The following RGS7 variants were observed in gnomAD, a reference collection of about 807,000 sequenced individuals.
RGS7 encodes the protein regulator of G-protein signaling 7.
A neutral mutation model predicts 81.1 loss-of-function variants in RGS7; 27 were observed. That is an observed-to-expected ratio of 0.33 (90% CI 0.25 to 0.46). RGS7 has a LOEUF of 0.46. Among genes scored for constraint, RGS7 ranks in the 20% least tolerant of loss-of-function variants. RGS7 has a pLI of 1.00. For missense variants in RGS7, 396 were observed against 607.4 expected (o/e 0.65, Z 3.66); for synonymous variants, 208 against 207.7 (o/e 1.00, Z -0.01).
At chr1:241,066,267 G>A (rs1245587993) in intron 3 of RGS7, among the ~76,000 whole-genome samples, 1 of 152,130 alleles carries the variant, frequency 6.6e-6, no homozygotes, top group East Asian at 1.9e-4. Flanking sequence ...AGAAATGTGT[G>A]CTCACTGATA....
chr1:240,786,315 G>A (rs1014526554), intron 18 of RGS7, among the ~76,000 whole-genome samples: 3 of 151,986 alleles, frequency 2.0e-5, no homozygotes, highest in Non-Finnish European at 4.4e-5. Context: ...TACTGTGCAT[G>A]GTACTATGTC....
chr1:240,805,259 C>T (rs1318577949), intron 15 of RGS7, among the ~76,000 whole-genome samples: 1 of 152,060 alleles, frequency 6.6e-6, no homozygotes, highest in Admixed American at 6.6e-5. Flanking sequence ...TGGTGCATGC[C>T]TATGGTCCCA....
intron 3 of RGS7, among the ~76,000 whole-genome samples, chr1:241,028,937 T>C (rs893401224): frequency 6.6e-6 from 1 of 152,034 alleles, no homozygotes; most frequent in African/African-American, 2.4e-5. Flanking sequence ...CAAAAGATAC[T>C]GTGTTCCTAT....
intron 2 of RGS7, among the ~76,000 whole-genome samples, chr1:241,329,398 T>A (rs929808042): frequency 1.1e-4 from 17 of 152,236 alleles, no homozygotes; most frequent in East Asian, 3.8e-4. Context: ...AGTTGGTTGC[T>A]TACGGAGTTT....
rs991666747 is a variant in RGS7, at chr1:241,016,701, G to A, written c.176-33572C>T. 2.0e-5 allele frequency among the ~76,000 whole-genome samples: 3 copies of A among 152,188 alleles called. No homozygotes were observed. In the East Asian group the frequency reaches 5.8e-4, roughly 29 times the overall value. On this transcript the variant is annotated intron_variant, in intron 3 of 18. Transcript: ENST00000440928. ...GTCTCTACTGTAATACTTCTGTCAT[G>A]TAGCATTTATCAGAGTCTAAATTTG...
chr1:240,955,583 A>AAC (rs1428471719), intron 4 of RGS7, among the ~76,000 whole-genome samples: 62 of 91,270 alleles, frequency 6.8e-4, no homozygotes, highest in African/African-American at 2.2e-3. Flanking sequence ...AAAAAAAAAA[A>AAC]CCGATTTGGA....
intron 2 of RGS7, among the ~76,000 whole-genome samples, chr1:241,150,556 C>T (rs1286131269): frequency 6.6e-6 from 1 of 152,122 alleles, no homozygotes; most frequent in Non-Finnish European, 1.5e-5. Flanking sequence ...TCTATAAACC[C>T]CCTCCCATAG....
chr1:240,816,651 A>G (rs763854054), intron 10 of RGS7, among the ~76,000 whole-genome samples: 2 of 152,212 alleles, frequency 1.3e-5, no homozygotes, highest in Non-Finnish European at 2.9e-5. Context: ...AATTGGTTAT[A>G]TGTAGAGAGC....
intron 2 of RGS7, among the ~76,000 whole-genome samples, chr1:241,103,109 T>C (rs1343384785): frequency 6.6e-6 from 1 of 151,946 alleles, no homozygotes; most frequent in African/African-American, 2.4e-5. Context: ...GGCAATTTAG[T>C]CTAAGGCCAA....
chr1:240,976,753 AT>A (rs1186328646), intron 4 of RGS7, among the ~76,000 whole-genome samples: 33 of 148,720 alleles, frequency 2.2e-4, no homozygotes, highest in Non-Finnish European at 4.0e-4. Flanking sequence ...CTATCTATCT[AT>A]CTATCTATCT....
chr1:240,887,995 T>C (rs150165048), intron 6 of RGS7, among the ~76,000 whole-genome samples: 91 of 152,318 alleles, frequency 6.0e-4, no homozygotes, highest in Middle Eastern at 6.8e-3. Flanking sequence ...TCTATTCACA[T>C]ATTTATTCAA....
At chr1:240,887,569 A>G (rs1667591848) in intron 6 of RGS7, among the ~76,000 whole-genome samples, 1 of 152,162 alleles carries the variant, frequency 6.6e-6, no homozygotes, top group South Asian at 2.1e-4. Flanking sequence ...GGTTGGACCT[A>G]GAGTTATCTT....
Position 241,144,930 on chromosome 1 carries a change from T to G in RGS7, c.79-46168A>C, listed in dbSNP as rs1363118069. On this transcript the variant is annotated intron_variant, in intron 2 of 18. Transcript: ENST00000440928. The surrounding 1 kb of genome is among the most constrained non-coding windows in gnomAD (Gnocchi z 4.7). ...TATGTGTTGGCAGGGCAGGATGGTG[T>G]GTGTGTGTGTGTGTGTGTGTGTGTG... Among the ~76,000 whole-genome samples, 3 of 89,738 alleles carry G rather than the reference T, an allele frequency of 3.3e-5. No individual in the cohort carries two copies. The highest frequency in any genetic ancestry group is 6.4e-5 in the Non-Finnish European group (3 of 46,846). The allele number at this position is 89,738 out of a possible 152,430, so 58.9% of individuals were successfully genotyped here.
intron 6 of RGS7, among the ~76,000 whole-genome samples, chr1:240,925,278 T>C (rs978890968): frequency 2.0e-5 from 3 of 152,090 alleles, no homozygotes; most frequent in Non-Finnish European, 4.4e-5. Flanking sequence ...CACCCCTCCA[T>C]CATTCCCCCC....
At chr1:241,138,177 C>CAAAAAA (rs57697166) in intron 2 of RGS7, among the ~76,000 whole-genome samples, 1 of 115,408 alleles carries the variant, frequency 8.7e-6, no homozygotes, top group African/African-American at 3.0e-5. Context: ...ATCTCAAAAA[C>CAAAAAA]AAAAAAAAAA....
intron 2 of RGS7, among the ~76,000 whole-genome samples, chr1:241,224,003 C>CAA (rs34609438): frequency 2.5e-4 from 32 of 129,144 alleles, no homozygotes; most frequent in Admixed American, 8.5e-4. Flanking sequence ...TGGGTCCCTC[C>CAA]AAAAAAAAAA....
At chr1:241,054,555 C>T (rs888570410) in intron 3 of RGS7, among the ~76,000 whole-genome samples, 18 of 152,136 alleles carry the variant, frequency 1.2e-4, no homozygotes, top group Non-Finnish European at 2.5e-4. Flanking sequence ...AAGATCCAAC[C>T]ACTTACTTGA....
chr1:241,063,523 G>A (rs907945209), intron 3 of RGS7, among the ~76,000 whole-genome samples: 3 of 152,180 alleles, frequency 2.0e-5, no homozygotes, highest in Non-Finnish European at 4.4e-5. Context: ...ATAGGCCCCA[G>A]AGCAGCTATT....
chr1:241,135,794 T>A (rs981540511), intron 2 of RGS7, among the ~76,000 whole-genome samples: 1 of 151,992 alleles, frequency 6.6e-6, no homozygotes, highest in East Asian at 1.9e-4. Context: ...TTTTATTATT[T>A]TTTTTTGAGA....
Sources: allele counts gnomAD v4.1 joint callset (sites outside exome capture counted in the v4.1 genomes callset), GRCh38; gene constraint gnomAD v4.1.1; non-coding constraint Gnocchi (gnomAD v3.1); transcripts MANE v1.5; gene names NCBI Gene and HGNC (gene_info 2026-07-23, HGNC 2026-07-21).